NEGR1: variants seen among roughly 807,000 people sequenced by gnomAD.
The protein encoded by NEGR1 is IgLON family member 4.
Under a neutral mutation model 40.9 loss-of-function variants are expected in NEGR1, and 10 were observed. The ratio of observed to expected loss-of-function variants is 0.24; its 90% CI spans 0.15 to 0.42. NEGR1 has a LOEUF of 0.42. NEGR1 is among the 10% of genes least tolerant of loss of function. The probability of loss-of-function intolerance (pLI) is 1.00; values close to 1 mark genes in which losing one functional copy is unlikely to be tolerated. For synonymous variants in NEGR1, 185 were observed against 166.8 expected, an observed-to-expected ratio of 1.11 and a Z score of -0.84; for missense variants, 352 against 438.9, an observed-to-expected ratio of 0.80 and a Z score of 1.77.
intron 1 of NEGR1, among the ~76,000 whole-genome samples, chr1:72,016,723 A>G (rs892257764): frequency 6.6e-6 from 1 of 151,958 alleles, no homozygotes; most frequent in South Asian, 2.1e-4. Context: ...CACTCTAAAA[A>G]CCCCTGCACT....
intron 6 of NEGR1, chr1:71,422,597 C>T (rs1183386630): frequency 1.3e-5 from 2 of 152,144 alleles, no homozygotes; most frequent in Non-Finnish European, 1.5e-5. Context: ...GTGAAAATCA[C>T]CTCGGATTTA....
intron 1 of NEGR1, among the ~76,000 whole-genome samples, chr1:72,180,618 G>GA (rs1042305695): frequency 6.6e-6 from 1 of 151,888 alleles, no homozygotes; most frequent in African/African-American, 2.4e-5. Context: ...ATTCAATAGT[G>GA]AAAAAAATCA....
At chr1:71,749,441 A>G (rs1655496070) in intron 3 of NEGR1, among the ~76,000 whole-genome samples, 2 of 152,226 alleles carry the variant, frequency 1.3e-5, no homozygotes, top group African/African-American at 2.4e-5. Flanking sequence ...TTATTACAAG[A>G]ATATGTAGTA....
At chr1:72,209,719 T>G (rs1040984715) in intron 1 of NEGR1, among the ~76,000 whole-genome samples, 67 of 151,992 alleles carry the variant, frequency 4.4e-4, no homozygotes, top group African/African-American at 1.5e-3. Context: ...AAAGTAAATA[T>G]TGAATTCATA....
intron 6 of NEGR1, among the ~76,000 whole-genome samples, chr1:71,501,360 C>G (rs1040345768): frequency 1.3e-5 from 2 of 151,930 alleles, no homozygotes; most frequent in Non-Finnish European, 2.9e-5. Context: ...TCGTATGAAG[C>G]AATATTTTTA....
At chr1:71,770,314 G>A (rs78640525) in intron 3 of NEGR1, among the ~76,000 whole-genome samples, 1,904 of 152,164 alleles carry the variant, frequency 0.013, 26 homozygotes, top group Middle Eastern at 0.055. Flanking sequence ...TACAGGCTCC[G>A]TTCCAGGCTT....
chr1:71,744,342 A>ACAT (rs1655314098), intron 3 of NEGR1, among the ~76,000 whole-genome samples: 1 of 141,186 alleles, frequency 7.1e-6, no homozygotes, highest in Admixed American at 7.2e-5. Flanking sequence ...AGTACTCTGT[A>ACAT]AATAATAATA....
At chr1:71,556,690 C>T (rs1372572467) in intron 6 of NEGR1, among the ~76,000 whole-genome samples, 1 of 151,288 alleles carries the variant, frequency 6.6e-6, no homozygotes, top group African/African-American at 2.4e-5. Context: ...CAAAAACTCA[C>T]TCACACTGCC....
intron 1 of NEGR1, among the ~76,000 whole-genome samples, chr1:72,269,451 CA>C (rs1655769373): frequency 6.6e-6 from 1 of 151,450 alleles, no homozygotes; most frequent in African/African-American, 2.4e-5. Context: ...CTAGAGTGCA[CA>C]AAAAAGCTTC....
intron 1 of NEGR1, among the ~76,000 whole-genome samples, chr1:72,268,377 A>T (rs114051547): frequency 0.013 from 1,915 of 151,566 alleles, 39 homozygotes; most frequent in African/African-American, 0.044. Context: ...AGAAAAACCA[A>T]ATAACTTGCT....
intron 6 of NEGR1, among the ~76,000 whole-genome samples, chr1:71,557,018 A>G (rs1375178508): frequency 1.3e-5 from 2 of 151,628 alleles, no homozygotes; most frequent in Non-Finnish European, 3.0e-5. Context: ...TAGAAAGGCT[A>G]TGAGTTGGAA....
intron 1 of NEGR1, among the ~76,000 whole-genome samples, chr1:72,148,665 G>A (rs1319500095): frequency 3.3e-5 from 5 of 151,956 alleles, no homozygotes; most frequent in Admixed American, 6.6e-5. Flanking sequence ...AATTTCTTCC[G>A]CCAGATACCC....
chr1:71,974,377 G>A (rs1378960422), intron 1 of NEGR1, among the ~76,000 whole-genome samples: 2 of 151,920 alleles, frequency 1.3e-5, no homozygotes, highest in Non-Finnish European at 2.9e-5. Flanking sequence ...TTACACTTGA[G>A]GATATTAAGT....
chr1:71,796,019 T>C (rs1251693770), intron 2 of NEGR1, among the ~76,000 whole-genome samples: 1 of 152,140 alleles, frequency 6.6e-6, no homozygotes, highest in African/African-American at 2.4e-5. Flanking sequence ...TAGTCAACCT[T>C]ATGGTCATTA....
chr1:71,831,709 G>A (rs1658845144), intron 2 of NEGR1, among the ~76,000 whole-genome samples: 1 of 151,872 alleles, frequency 6.6e-6, no homozygotes, highest in Admixed American at 6.6e-5. Context: ...ATTGGCTAGA[G>A]GACAGTGGGA....
chr1:71,674,920 T>G (rs1421253762), intron 4 of NEGR1, among the ~76,000 whole-genome samples: 1 of 151,682 alleles, frequency 6.6e-6, no homozygotes, highest in Non-Finnish European at 1.5e-5. Context: ...CAACAGAATG[T>G]AGGCACCTTG....
chr1:71,925,807 T>C (rs1440147468), intron 2 of NEGR1, among the ~76,000 whole-genome samples: 1 of 152,096 alleles, frequency 6.6e-6, no homozygotes, highest in Admixed American at 6.5e-5. Context: ...TCACCAGACA[T>C]AGGTTTTATT....
intron 1 of NEGR1, among the ~76,000 whole-genome samples, chr1:72,074,405 A>G (rs1647626551): frequency 6.6e-6 from 1 of 152,000 alleles, no homozygotes; most frequent in Non-Finnish European, 1.5e-5. Flanking sequence ...CTTTATCATC[A>G]TTTTTATGTG....
intron 1 of NEGR1, among the ~76,000 whole-genome samples, chr1:72,031,646 C>T (rs1252790678): frequency 6.6e-6 from 1 of 152,094 alleles, no homozygotes; most frequent in Non-Finnish European, 1.5e-5. Flanking sequence ...AAAAATATCT[C>T]ATGTGAAATC....
Sources: gnomAD v4.1 joint callset for allele counts (sites outside exome capture counted in the v4.1 genomes callset) on GRCh38, gnomAD v4.1.1 for gene constraint, MANE v1.5 for transcripts, NCBI Gene and HGNC (gene_info 2026-07-23, HGNC 2026-07-21) for gene names.